The following PAQR8 variants were observed in gnomAD, a reference collection of about 807,000 sequenced individuals.
PAQR8 encodes the protein membrane progestin receptor beta.
In PAQR8, 17 loss-of-function variants were observed where a neutral mutation model predicts 25.2. The ratio of observed to expected loss-of-function variants is 0.67; its 90% CI spans 0.46 to 1.01. PAQR8 has a LOEUF of 1.01. Among genes scored for constraint, PAQR8 ranks in the 50% least tolerant of loss-of-function variants. PAQR8 has a pLI of 0.00. For synonymous variants in PAQR8, 204 were observed against 190.6 expected (o/e 1.07, Z -0.58); for missense variants, 392 against 448.4 (o/e 0.87, Z 1.14).
At chr6:52,383,492 T>C (rs1763588725) in intron 1 of PAQR8, among the ~76,000 whole-genome samples, 1 of 151,854 alleles carries the variant, frequency 6.6e-6, no homozygotes, top group African/African-American at 2.4e-5. Flanking sequence ...AAACCCCGTC[T>C]CTACTAAAAA....
Position 52,403,609 on chromosome 6 carries a change from G to T in PAQR8, c.396G>T (p.Leu132=). ...CCTGCAGCCTTCTGGCCCACCTGCT[G>T]CAGTCCAAGTCAGAGCTCTCCCACT... ...YLTCSLLAHL[L]QSKSELSHYT... The change falls in exon 2 of 2, where the codon CTG becomes CTT. Residue 132 remains leucine (L), a synonymous_variant. Coordinates refer to ENST00000442253, the MANE Select transcript of PAQR8 (RefSeq NM_133367.5). The T allele has an allele frequency of 6.2e-7, 1 of 1,614,104 alleles. No homozygotes were observed. Among genetic ancestry groups the T allele is most frequent in the Non-Finnish European group, 8.5e-7 (1 of 1,180,046 alleles).
intron 1 of PAQR8, among the ~76,000 whole-genome samples, chr6:52,374,538 T>TAA (rs1763459738): frequency 6.6e-6 from 1 of 152,158 alleles, no homozygotes; most frequent in Non-Finnish European, 1.5e-5. Context: ...TTCAGCCTTG[T>TAA]TATTAGGTAG....
intron 1 of PAQR8, among the ~76,000 whole-genome samples, chr6:52,389,102 A>G (rs1763666473): frequency 6.6e-6 from 1 of 152,252 alleles, no homozygotes; most frequent in Non-Finnish European, 1.5e-5. Flanking sequence ...GTAGGAGATG[A>G]TAGACCAAAA....
chr6:52,367,588 G>T (rs1041827231), intron 1 of PAQR8, among the ~76,000 whole-genome samples: 2 of 152,204 alleles, frequency 1.3e-5, no homozygotes, highest in Non-Finnish European at 1.5e-5. Flanking sequence ...TTTCATTTGT[G>T]TGCCCAAGGA....
chr6:52,384,450 TG>T lies in PAQR8; in HGVS notation c.-52-18709del, dbSNP rs1056154623. Among the ~76,000 whole-genome samples the T allele has an allele frequency of 2.8e-4, 42 of 152,082 alleles. No individual in the cohort carries two copies. The South Asian group carries it at 4.4e-3, about 16-fold the overall frequency. On this transcript the variant is annotated intron_variant, in intron 1 of 1. Transcript: ENST00000442253. ...CAGAGTGAAATGGCTAGCACTGGGT[TG>T]GGTTTGTATTGGGATGGCAGTGAGT... is the stretch of plus-strand genomic sequence containing the variant.
rs1763913738 is a variant in PAQR8, at chr6:52,406,645, C to T, written c.*2367C>T. 2.5e-6 allele frequency: 1 copy of T among 407,490 alleles called. No homozygotes were observed. The highest frequency in any genetic ancestry group is 4.4e-5 in the Admixed American group (1 of 22,718). 25.2% of individuals were successfully genotyped at this position (407,490 alleles called of 1,614,324 possible). ...TGATGCAATCACGGCTCACTGCAGCCTCGACCTCCCCAGCTCAAGCAATCC... is the reference window on the plus strand; with the variant it reads ...TGATGCAATCACGGCTCACTGCAGCTTCGACCTCCCCAGCTCAAGCAATCC... On this transcript the variant is annotated 3_prime_UTR_variant, in exon 2 of 2. Coordinates refer to ENST00000442253, the MANE Select transcript of PAQR8 (RefSeq NM_133367.5).
At chr6:52,390,766 A>G (rs1278993286) in intron 1 of PAQR8, among the ~76,000 whole-genome samples, 1 of 152,198 alleles carries the variant, frequency 6.6e-6, no homozygotes, top group Non-Finnish European at 1.5e-5. Flanking sequence ...AAGTATAGTT[A>G]GGTTACTCGT....
chr6:52,363,965 C>A (rs929546831), intron 1 of PAQR8, among the ~76,000 whole-genome samples: 1 of 151,924 alleles, frequency 6.6e-6, no homozygotes, highest in African/African-American at 2.4e-5. Context: ...CTTACATTAA[C>A]CCATCTTGTA....
intron 1 of PAQR8, among the ~76,000 whole-genome samples, chr6:52,369,576 C>T (rs1581788189): frequency 6.6e-6 from 1 of 152,058 alleles, no homozygotes; most frequent in African/African-American, 2.4e-5. Context: ...AGGTGAGCTA[C>T]AAAACCAGGC....
intron 1 of PAQR8, among the ~76,000 whole-genome samples, chr6:52,370,103 C>T (rs1469324610): frequency 1.3e-5 from 2 of 151,524 alleles, no homozygotes; most frequent in Non-Finnish European, 2.9e-5. Context: ...TTAAAATATA[C>T]TGAATAATGA....
intron 1 of PAQR8, among the ~76,000 whole-genome samples, chr6:52,378,518 C>T (rs1017868260): frequency 7.2e-5 from 11 of 152,174 alleles, no homozygotes; most frequent in Non-Finnish European, 1.2e-4. Flanking sequence ...ATTGGCCAGG[C>T]GCGGTGGCTG....
In PAQR8 at chr6:52,406,552, T is replaced by C; in HGVS notation, c.*2274T>C. ...TACAAGTATTGGCCCCTCAAGTGGT[T>C]GGAAATTTTTTTTTTAATCTCTTTT... On this transcript the variant is annotated 3_prime_UTR_variant, in exon 2 of 2. Transcript: ENST00000442253. The C allele has an allele frequency of 2.4e-6, 1 of 413,396 alleles. No homozygotes were observed. The highest frequency in any genetic ancestry group is 4.4e-6 in the Non-Finnish European group (1 of 226,122). 25.6% of individuals were successfully genotyped at this position (413,396 alleles called of 1,614,324 possible). A position where few individuals can be genotyped will look rare whatever the true frequency, so the allele number is the denominator to read the frequency against.
At chr6:52,400,245 T>C (rs1763814618) in intron 1 of PAQR8, among the ~76,000 whole-genome samples, 2 of 152,134 alleles carry the variant, frequency 1.3e-5, no homozygotes, top group Non-Finnish European at 2.9e-5. Context: ...GGGGCTGCCA[T>C]AGAAATAGGT....
chr6:52,403,870 G>A lies in PAQR8; in HGVS notation c.657G>A (p.Leu219=). The A allele has an allele frequency of 1.2e-6, 2 of 1,614,228 alleles. No individual in the cohort carries two copies. The highest frequency in any genetic ancestry group is 1.7e-6 in the Non-Finnish European group (2 of 1,180,036). ...TCTGTCAAGTGGTGCCAGCAGGTCT[G>A]GCTTTTATCCTAGACATCAGCCCTG... The part of the protein sequence containing the change: ...RKICQVVPAG[L]AFILDISPVA... Residue 219 remains leucine, a synonymous_variant, in exon 2 of 2, where the codon CTG becomes CTA. Coordinates refer to ENST00000442253, the MANE Select transcript of PAQR8 (RefSeq NM_133367.5).
intron 1 of PAQR8, among the ~76,000 whole-genome samples, chr6:52,394,580 C>A (rs1763745272): frequency 6.6e-6 from 1 of 152,160 alleles, no homozygotes; most frequent in African/African-American, 2.4e-5. Flanking sequence ...CCTGCAGCTC[C>A]CAGTCAGCCA....
intron 1 of PAQR8, among the ~76,000 whole-genome samples, chr6:52,382,180 C>G (rs1479544412): frequency 2.0e-5 from 3 of 152,124 alleles, no homozygotes; most frequent in Admixed American, 6.6e-5. Context: ...TTAAGTGATA[C>G]AAACTGGAGG....
chr6:52,381,335 C>T (rs1180133093), intron 1 of PAQR8, among the ~76,000 whole-genome samples: 4 of 152,194 alleles, frequency 2.6e-5, no homozygotes, highest in South Asian at 2.1e-4. Context: ...TGGCTGGGTG[C>T]GGTGGCTCGG....
In PAQR8 at chr6:52,402,578, T is replaced by A. The variant is rs146982316; in HGVS notation, c.-52-584T>A. 3.2e-3 allele frequency among the ~76,000 whole-genome samples: 470 copies of A among 144,632 alleles called. 2 individuals carry two copies. The highest frequency in any genetic ancestry group is 0.012 in the African/African-American group (456 of 37,744). The allele number at this position is 144,632 out of a possible 152,430, so 94.9% of individuals were successfully genotyped here. On this transcript the variant is annotated intron_variant, in intron 1 of 1. Transcript: ENST00000442253. ...GTTGTGGTGAGCCGAGATGGTACCA[T>A]TGCATTCCAGCCTGGGCAACAAGAG... is the stretch of plus-strand genomic sequence containing the variant.
intron 1 of PAQR8, among the ~76,000 whole-genome samples, chr6:52,397,233 C>T (rs1763777188): frequency 6.6e-6 from 1 of 152,192 alleles, no homozygotes; most frequent in Non-Finnish European, 1.5e-5. Context: ...ACTAATTCCA[C>T]TGCACCTAGC....
Sources: allele counts gnomAD v4.1 joint callset (sites outside exome capture counted in the v4.1 genomes callset), GRCh38; gene constraint gnomAD v4.1.1; transcripts MANE v1.5; gene names NCBI Gene and HGNC (gene_info 2026-07-23, HGNC 2026-07-21).